GLI3: variants seen among roughly 807,000 people sequenced by gnomAD.
The protein encoded by GLI3 is GLI family zinc finger 3.
In GLI3, 20 loss-of-function variants were observed where a neutral mutation model predicts 100.8. That is an observed-to-expected ratio of 0.20 (90% confidence interval 0.14 to 0.29). The LOEUF is 0.29. GLI3 is among the 10% of genes least tolerant of loss of function. The pLI is 1.00. For synonymous variants in GLI3, 938 were observed against 860.5 expected, an observed-to-expected ratio of 1.09 and a Z score of -1.58; for missense variants, 2,040 against 2,128.5, an observed-to-expected ratio of 0.96 and a Z score of 0.82.
At chr7:42,160,368 T>C (rs1297381354) in intron 2 of GLI3, among the ~76,000 whole-genome samples, 1 of 152,218 alleles carries the variant, frequency 6.6e-6, no homozygotes, top group Non-Finnish European at 1.5e-5. Flanking sequence ...TTTGGAATAT[T>C]TGCATATACA....
chr7:42,152,296 C>T, intron 2 of GLI3: 3 of 601,034 alleles, frequency 5.0e-6, no homozygotes, highest in Non-Finnish European at 6.3e-6. Context: ...ACCCACTACT[C>T]CTCTCTTGTC....
At chr7:42,168,917 C>CA (rs1487954787) in intron 2 of GLI3, among the ~76,000 whole-genome samples, 4 of 151,764 alleles carry the variant, frequency 2.6e-5, no homozygotes, top group African/African-American at 9.7e-5. Flanking sequence ...AATCCTGTCT[C>CA]AAAAAAATTA....
chr7:42,241,718 G>A (rs1405727715), upstream of GLI3, among the ~76,000 whole-genome samples: 1 of 152,182 alleles, frequency 6.6e-6, no homozygotes, highest in Non-Finnish European at 1.5e-5. Context: ...CCTTGGAGAT[G>A]TAGCTATAAT....
chr7:42,069,994 AG>A lies in GLI3; in HGVS notation c.473+6757del, dbSNP rs540593462. Among the ~76,000 whole-genome samples the A allele has an allele frequency of 8.5e-5, 13 of 152,338 alleles. No homozygotes were observed. In the East Asian group the frequency reaches 2.5e-3, roughly 29 times the overall value. On this transcript the variant is annotated intron_variant, in intron 4 of 14. Coordinates refer to ENST00000395925, the MANE Select transcript of GLI3 (RefSeq NM_000168.6). Reference sequence around the variant, plus strand: ...CAAGCCATAGGTATCTGAAGGAAGAAGGCTCTACGCAGATACACATTGTGTT... The same window carrying A: ...CAAGCCATAGGTATCTGAAGGAAGAAGCTCTACGCAGATACACATTGTGTT...
intron 2 of GLI3, among the ~76,000 whole-genome samples, chr7:42,219,084 G>A (rs1356700660): frequency 6.6e-6 from 1 of 152,164 alleles, no homozygotes; most frequent in Admixed American, 6.5e-5. Context: ...ACATCAAAAA[G>A]AGATTATTAA....
intron 10 of GLI3, among the ~76,000 whole-genome samples, chr7:41,987,053 T>C (rs1005355866): frequency 2.6e-5 from 4 of 150,992 alleles, no homozygotes; most frequent in Non-Finnish European, 4.4e-5. Flanking sequence ...AGCACAAGAC[T>C]GCATCTTAAT....
chr7:42,148,378 C>G lies in GLI3; in HGVS notation c.215G>C (p.Ser72Thr). Reference protein sequence around the residue: ...PQNVQGLSKVSEEPSTSSDER... With the variant: ...PQNVQGLSKVTEEPSTSSDER... ...GTCACTCGATGTTGAAGGTTCCTCA[C>G]TGACTTTGCTGAGCCCCTGGACATT... Residue 72 changes from serine to threonine, a missense_variant, in exon 3 of 15, where the codon AGT becomes ACT. Transcript: ENST00000395925. 1 of 1,614,188 alleles carries G rather than the reference C, an allele frequency of 6.2e-7. No homozygotes were observed. Among genetic ancestry groups the G allele is most frequent in the Non-Finnish European group, 8.5e-7 (1 of 1,180,028 alleles).
intron 4 of GLI3, among the ~76,000 whole-genome samples, chr7:42,057,203 T>A (rs1784481137): frequency 2.0e-5 from 3 of 152,348 alleles, no homozygotes; most frequent in Admixed American, 2.0e-4. Context: ...ATACTTTATT[T>A]CTTAGTATGA....
At chr7:42,207,725 G>GT (rs1230882331) in intron 2 of GLI3, among the ~76,000 whole-genome samples, 1 of 152,178 alleles carries the variant, frequency 6.6e-6, no homozygotes, top group African/African-American at 2.4e-5. Flanking sequence ...CTAGCATATG[G>GT]TTACCTGAAC....
intron 2 of GLI3, among the ~76,000 whole-genome samples, chr7:42,219,651 G>A (rs1788443054): frequency 6.6e-6 from 1 of 152,160 alleles, no homozygotes; most frequent in African/African-American, 2.4e-5. Context: ...GACATGCAGT[G>A]GAATGTGAGT....
At chr7:42,173,727 A>C (rs780224260) in intron 2 of GLI3, among the ~76,000 whole-genome samples, 6 of 152,206 alleles carry the variant, frequency 3.9e-5, no homozygotes, top group Non-Finnish European at 8.8e-5. Flanking sequence ...ACTCTAGCAC[A>C]GCCACTGGCT....
upstream of GLI3, among the ~76,000 whole-genome samples, chr7:42,239,979 G>A (rs1788907627): frequency 1.3e-5 from 2 of 152,268 alleles, no homozygotes; most frequent in East Asian, 3.9e-4. Context: ...ATATAGAAGA[G>A]TTATTATGGT....
chr7:42,190,478 G>GA (rs1208397700), intron 2 of GLI3, among the ~76,000 whole-genome samples: 3 of 152,128 alleles, frequency 2.0e-5, no homozygotes, highest in Non-Finnish European at 4.4e-5. Flanking sequence ...TAAGTGACCA[G>GA]AATTGACTTA....
At chr7:42,227,537 C>T (rs1788606067) in intron 1 of GLI3, 1 of 152,000 alleles carries the variant, frequency 6.6e-6, no homozygotes, top group Non-Finnish European at 1.5e-5. Context: ...AAATCTAATC[C>T]GTCTCCTATT....
At chr7:42,052,441 T>C (rs1383688887) in intron 4 of GLI3, among the ~76,000 whole-genome samples, 1 of 152,062 alleles carries the variant, frequency 6.6e-6, no homozygotes, top group African/African-American at 2.4e-5. Context: ...GAAAATGAAG[T>C]CAGTAATTAA....
Position 42,046,312 on chromosome 7 carries a change from T to C in GLI3, c.680-782A>G, listed in dbSNP as rs531250323. The stretch of plus-strand genomic sequence containing the variant: ...GTCGTCAGGAGCAAAAATTAAATTA[T>C]GTATGTAGCACACTTAGCACATAGC... On this transcript the variant is annotated intron_variant, in intron 5 of 14. Transcript: ENST00000395925. Among the ~76,000 whole-genome samples the C allele has an allele frequency of 6.6e-5, 10 of 152,348 alleles. No individual in the cohort carries two copies. In the South Asian group the frequency reaches 1.7e-3, roughly 25 times the overall value.
chr7:41,964,750 A>G lies in GLI3; in HGVS notation c.4323T>C (p.Gly1441=). Residue 1441 remains glycine (G), a synonymous_variant, in exon 15 of 15, where the codon GGT becomes GGC. Transcript: ENST00000395925. ...AGCCCACGGTTTGGTCATAGAACTGACCAGAGTAATTCTGCAGATTAGAGC... is the reference window on the plus strand; with the variant it reads ...AGCCCACGGTTTGGTCATAGAACTGGCCAGAGTAATTCTGCAGATTAGAGC... ...PLCSNLQNYS[G]QFYDQTVGFS... The G allele has an allele frequency of 6.2e-7, 1 of 1,614,084 alleles. No homozygotes were observed. Among genetic ancestry groups the G allele is most frequent in the Non-Finnish European group, 8.5e-7 (1 of 1,179,948 alleles).
intron 2 of GLI3, among the ~76,000 whole-genome samples, chr7:42,203,611 T>C (rs867206129): frequency 2.1e-4 from 32 of 152,360 alleles, no homozygotes; most frequent in African/African-American, 6.5e-4. Flanking sequence ...ACACATTTTC[T>C]TTCTCCATTT....
chr7:42,161,770 C>T (rs1346797442), intron 2 of GLI3, among the ~76,000 whole-genome samples: 1 of 152,148 alleles, frequency 6.6e-6, no homozygotes, highest in Non-Finnish European at 1.5e-5. Flanking sequence ...GAGGCATATC[C>T]AAGAATAAAG....
Sources: gnomAD v4.1 joint callset for allele counts (sites outside exome capture counted in the v4.1 genomes callset) on GRCh38, gnomAD v4.1.1 for gene constraint, MANE v1.5 for transcripts, NCBI Gene and HGNC (gene_info 2026-07-23, HGNC 2026-07-21) for gene names.